The following TTLL5 variants were observed in gnomAD, a reference collection of about 807,000 sequenced individuals.
TTLL5 encodes tubulin tyrosine ligase like 5.
Under a neutral mutation model 168.4 loss-of-function variants are expected in TTLL5, and 132 were observed. The observed-to-expected ratio is 0.78, with a 90% CI of 0.68 to 0.91. The LOEUF (loss-of-function observed/expected upper bound fraction) is 0.91, where lower values mean the gene tolerates loss of function less well. Ranked by LOEUF, TTLL5 falls within the 40% of genes least tolerant of loss-of-function variation. The probability of loss-of-function intolerance (pLI) is 0.00; values close to 1 mark genes in which losing one functional copy is unlikely to be tolerated. For synonymous variants in TTLL5, 546 were observed against 558.6 expected (o/e 0.98, Z 0.32); for missense variants, 1,545 against 1,581.5 (o/e 0.98, Z 0.39).
intron 15 of TTLL5, chr14:75,737,490 C>A: frequency 7.0e-7 from 1 of 1,421,382 alleles, no homozygotes; most frequent in South Asian, 1.3e-5. Flanking sequence ...TTTTTTATAT[C>A]ATAGATCTAG....
chr14:75,866,501 G>A (rs1293983116), intron 29 of TTLL5, among the ~76,000 whole-genome samples: 7 of 152,122 alleles, frequency 4.6e-5, no homozygotes, highest in Non-Finnish European at 1.0e-4. Flanking sequence ...TATGGAATGC[G>A]ATGTTAAAGG....
chr14:75,937,206 TC>T (rs1231794515), intron 31 of TTLL5, among the ~76,000 whole-genome samples: 1 of 151,758 alleles, frequency 6.6e-6, no homozygotes, highest in Non-Finnish European at 1.5e-5. Flanking sequence ...AACTGCCAAC[TC>T]CCTGGTTCAA....
chr14:75,826,004 G>A (rs555322900), intron 28 of TTLL5, among the ~76,000 whole-genome samples: 115 of 151,926 alleles, frequency 7.6e-4, no homozygotes, highest in African/African-American at 2.6e-3. Flanking sequence ...AAGAGCAAAA[G>A]TGATTGGCTT....
intron 31 of TTLL5, among the ~76,000 whole-genome samples, chr14:75,905,916 T>C (rs1266203482): frequency 6.6e-6 from 1 of 152,184 alleles, no homozygotes; most frequent in African/African-American, 2.4e-5. Context: ...CTGCAATTGG[T>C]GGAAGGGACC....
intron 27 of TTLL5, among the ~76,000 whole-genome samples, chr14:75,801,036 C>T (rs1205042642): frequency 6.6e-6 from 1 of 152,086 alleles, no homozygotes; most frequent in African/African-American, 2.4e-5. Context: ...CTAAGGTCGC[C>T]TTGGTTAAGT....
intron 31 of TTLL5, among the ~76,000 whole-genome samples, chr14:75,911,034 GT>G (rs1279525978): frequency 1.3e-5 from 2 of 151,868 alleles, no homozygotes; most frequent in African/African-American, 4.8e-5. Context: ...TTTTGTTTTT[GT>G]TTTTTTGAGT....
intron 30 of TTLL5, among the ~76,000 whole-genome samples, chr14:75,884,817 G>A (rs1289433565): frequency 1.3e-5 from 2 of 151,874 alleles, no homozygotes; most frequent in Non-Finnish European, 2.9e-5. Context: ...GAATAGCATG[G>A]CTTTTCATCT....
chr14:75,882,206 C>A (rs2031854524), intron 29 of TTLL5, among the ~76,000 whole-genome samples: 1 of 152,310 alleles, frequency 6.6e-6, no homozygotes, highest in Non-Finnish European at 1.5e-5. Context: ...GCCTTAGCCA[C>A]ACTGACTCCT....
intron 31 of TTLL5, among the ~76,000 whole-genome samples, chr14:75,903,361 C>CG (rs1324351743): frequency 6.6e-6 from 1 of 151,802 alleles, no homozygotes; most frequent in Non-Finnish European, 1.5e-5. Flanking sequence ...AAGCAAAGAC[C>CG]GGGGGGAAGT....
intron 19 of TTLL5, among the ~76,000 whole-genome samples, chr14:75,765,586 G>A (rs1458245391): frequency 6.6e-6 from 1 of 152,142 alleles, no homozygotes; most frequent in Non-Finnish European, 1.5e-5. Context: ...CATTAGGCCA[G>A]GCATGGTGCC....
At chr14:75,707,477 C>T (rs1460744962) in intron 8 of TTLL5, 146 bp from the exon 9 acceptor site, 12 of 621,882 alleles carry the variant, frequency 1.9e-5, no homozygotes, top group South Asian at 4.1e-5. Context: ...AGTTATCCTC[C>T]GAAGTCAAGG....
chr14:75,743,731 G>T (rs12892297), intron 15 of TTLL5, among the ~76,000 whole-genome samples: 170 of 151,756 alleles, frequency 1.1e-3, no homozygotes, highest in Non-Finnish European at 2.1e-3. Flanking sequence ...ACAGGTGCCC[G>T]CCACCACGCC....
chr14:75,862,121 G>C (rs2030062700), intron 28 of TTLL5, among the ~76,000 whole-genome samples: 1 of 152,134 alleles, frequency 6.6e-6, no homozygotes, highest in South Asian at 2.1e-4. Context: ...GTTCTTTCGT[G>C]ACTGACTTAT....
At chr14:75,709,129 G>A in intron 9 of TTLL5, 1 of 734,766 alleles carries the variant, frequency 1.4e-6, no homozygotes, top group African/African-American at 1.7e-5. Flanking sequence ...ATCTGTGAGT[G>A]GTCACGACAA....
At chr14:75,797,155 G>A (rs376721593) in intron 27 of TTLL5, among the ~76,000 whole-genome samples, 1 of 151,716 alleles carries the variant, frequency 6.6e-6, no homozygotes, top group Non-Finnish European at 1.5e-5. Flanking sequence ...AGGTATATCC[G>A]TAAGTATTTT....
chr14:75,732,941 AAC>A (rs1888636441), intron 13 of TTLL5, among the ~76,000 whole-genome samples: 1 of 152,348 alleles, frequency 6.6e-6, no homozygotes, highest in African/African-American at 2.4e-5. Flanking sequence ...GAAGAAAAGA[AAC>A]ATATTTTTCA....
intron 28 of TTLL5, among the ~76,000 whole-genome samples, chr14:75,823,306 C>G (rs945891906): frequency 5.3e-5 from 8 of 152,164 alleles, no homozygotes; most frequent in African/African-American, 1.9e-4. Flanking sequence ...AGTTGATGTG[C>G]AGAGCCATCT....
At chr14:75,888,009 T>C (rs1449112760) in intron 30 of TTLL5, among the ~76,000 whole-genome samples, 1 of 152,018 alleles carries the variant, frequency 6.6e-6, no homozygotes, top group African/African-American at 2.4e-5. Flanking sequence ...TTCTAGGAAA[T>C]GAAAGGGAAA....
intron 2 of TTLL5, among the ~76,000 whole-genome samples, chr14:75,666,726 C>T (rs1231990693): frequency 6.6e-6 from 1 of 152,076 alleles, no homozygotes; most frequent in African/African-American, 2.4e-5. Flanking sequence ...TGAAGACAGC[C>T]TAGAAGCAAG....
Sources: allele counts gnomAD v4.1 joint callset (sites outside exome capture counted in the v4.1 genomes callset), GRCh38; gene constraint gnomAD v4.1.1; transcripts MANE v1.5; gene names NCBI Gene and HGNC (gene_info 2026-07-23, HGNC 2026-07-21).